Variants in PCDHGA4 observed in about 807,000 individuals in gnomAD.
The protein encoded by PCDHGA4 is protocadherin gamma-A4.
PCDHGA4 carries 38 observed loss-of-function variants against 54.6 expected under a neutral mutation model. The observed-to-expected ratio is 0.70, with a 90% CI of 0.54 to 0.91. The LOEUF is 0.91. PCDHGA4 is among the 40% of genes least tolerant of loss of function. PCDHGA4 has a pLI of 0.00. For missense variants in PCDHGA4, 1,298 were observed against 1,220.9 expected, an observed-to-expected ratio of 1.06 and a Z score of -0.94; for synonymous variants, 511 against 512.9, an observed-to-expected ratio of 1.00 and a Z score of 0.05.
intron 1 of PCDHGA4, chr5:141,478,260 T>C (rs1340624663): frequency 6.2e-7 from 1 of 1,614,182 alleles, no homozygotes; most frequent in East Asian, 2.2e-5. Context: ...GTAATCATAT[T>C]CAAAGTTTAC....
At position 141,477,966 on chromosome 5, in the gene PCDHGA4, G is replaced by T; in HGVS notation, c.2515-16841G>T. 1 of 1,614,118 alleles carries T rather than the reference G, an allele frequency of 6.2e-7. No individual in the cohort carries two copies. The highest frequency in any genetic ancestry group is 8.5e-7 in the Non-Finnish European group (1 of 1,180,036). On this transcript the variant is annotated intron_variant, in intron 1 of 3. Coordinates refer to ENST00000571252, the MANE Select transcript of PCDHGA4 (RefSeq NM_018917.4). This position sits in a 1 kb window ranked among gnomAD's most constrained non-coding sequence, Gnocchi z 4.9. ...AGTCTCTTGGGATCCCCTAACCAGA[G>T]CCTTTTTGCCATAGGGCTGCACACT...
At chr5:141,371,146 T>C (rs751386839) in intron 1 of PCDHGA4, 4 of 1,614,022 alleles carry the variant, frequency 2.5e-6, no homozygotes, top group East Asian at 4.5e-5. Flanking sequence ...AGGGTCAATG[T>C]TGCAGAGAAC....
At chr5:141,488,705 G>C (rs1024064135) in intron 1 of PCDHGA4, among the ~76,000 whole-genome samples, 8 of 152,200 alleles carry the variant, frequency 5.3e-5, no homozygotes, top group Non-Finnish European at 1.2e-4. Context: ...AGATTTTGCT[G>C]GTTCAAGCAA....
chr5:141,505,596 T>G (rs2099846990), intron 3 of PCDHGA4, 115 bp downstream of exon 3: 1 of 1,562,168 alleles, frequency 6.4e-7, no homozygotes, highest in African/African-American at 1.4e-5. Context: ...CTCCAGATCT[T>G]TCGGCAGGTC....
At chr5:141,399,557 TG>T in intron 1 of PCDHGA4, 1 of 1,613,968 alleles carries the variant, frequency 6.2e-7, no homozygotes, top group Non-Finnish European at 8.5e-7. Context: ...GACCTGGACT[TG>T]GGGTTGAACG....
chr5:141,455,905 T>TTATG (rs2098836561), intron 1 of PCDHGA4, among the ~76,000 whole-genome samples: 1 of 148,340 alleles, frequency 6.7e-6, no homozygotes, highest in Admixed American at 6.7e-5. Flanking sequence ...ATTTATTTAT[T>TTATG]TATTTATTTT....
chr5:141,463,135 C>G (rs1352400365), intron 1 of PCDHGA4, among the ~76,000 whole-genome samples: 1 of 152,128 alleles, frequency 6.6e-6, no homozygotes, highest in African/African-American at 2.4e-5. Flanking sequence ...GGCAGTTCTT[C>G]GCCCAGCTGC....
At chr5:141,450,516 C>T (rs150995579) in intron 1 of PCDHGA4, among the ~76,000 whole-genome samples, 2,020 of 152,024 alleles carry the variant, frequency 0.013, 56 homozygotes, top group African/African-American at 0.046. Context: ...GATGGAGTCT[C>T]ATTCTTGTCA....
chr5:141,367,723 G>A (rs1211855605), intron 1 of PCDHGA4: 2 of 152,102 alleles, frequency 1.3e-5, no homozygotes, highest in Non-Finnish European at 2.9e-5. Flanking sequence ...GCTTCGTTCT[G>A]TGATGTAAAG....
At chr5:141,376,387 G>C (rs772638473) in intron 1 of PCDHGA4, 1 of 1,614,218 alleles carries the variant, frequency 6.2e-7, no homozygotes, top group Admixed American at 1.7e-5. Flanking sequence ...AGAGTCATCT[G>C]ATTTTCCCCC....
chr5:141,358,441 C>T (rs1357089273), intron 1 of PCDHGA4, among the ~76,000 whole-genome samples: 5 of 152,054 alleles, frequency 3.3e-5, no homozygotes, highest in African/African-American at 4.8e-5. Context: ...TAACAGGCAA[C>T]GTCAATTTAA....
intron 1 of PCDHGA4, chr5:141,395,463 C>G (rs1164636639): frequency 6.9e-6 from 4 of 582,400 alleles, no homozygotes; most frequent in African/African-American, 5.7e-5. Flanking sequence ...CCATTTTAAG[C>G]CTTCCAGTAT....
chr5:141,360,681 GAAAC>G, intron 1 of PCDHGA4: 1 of 1,613,946 alleles, frequency 6.2e-7, no homozygotes, highest in Non-Finnish European at 8.5e-7. Flanking sequence ...ATCTCGCTGA[GAAAC>G]AGACTCCAGA....
chr5:141,404,952 G>A (rs2094589054), intron 1 of PCDHGA4: 3 of 1,614,030 alleles, frequency 1.9e-6, no homozygotes, highest in African/African-American at 1.3e-5. Flanking sequence ...ATAGCTGACA[G>A]CATCCCAGAC....
chr5:141,374,202 A>G, intron 1 of PCDHGA4: 1 of 1,613,868 alleles, frequency 6.2e-7, no homozygotes, highest in Non-Finnish European at 8.5e-7. Context: ...GAGGAGCTGG[A>G]GAAAGGCTCC....
chr5:141,365,091 A>C (rs1251688071), intron 1 of PCDHGA4: 1 of 1,613,870 alleles, frequency 6.2e-7, no homozygotes, highest in Admixed American at 1.7e-5. Context: ...GTTCCAGAGA[A>C]CATACCTGTG....
intron 1 of PCDHGA4, chr5:141,478,331 G>C: frequency 6.2e-7 from 1 of 1,613,956 alleles, no homozygotes; most frequent in Non-Finnish European, 8.5e-7. Context: ...CCGAACACCA[G>C]GGCCCTCCTT....
At chr5:141,422,786 C>T in intron 1 of PCDHGA4, 1 of 1,614,178 alleles carries the variant, frequency 6.2e-7, no homozygotes, top group Non-Finnish European at 8.5e-7. Context: ...GCCCTACAAT[C>T]CTTCGACTAT....
Position 141,355,759 on chromosome 5 carries a change from G to A in PCDHGA4, c.652G>A (p.Asp218Asn), listed in dbSNP as rs769349934. ...TTCCCTGGACGTGCAAAGTGGGGCCGATGGGATTAAGTACCCAGAGCTGGT... is the reference window on the plus strand; with the variant it reads ...TTCCCTGGACGTGCAAAGTGGGGCCAATGGGATTAAGTACCCAGAGCTGGT... The part of the protein sequence containing the change: ...YFSLDVQSGA[D>N]GIKYPELVLE... The change falls in exon 1 of 4, where the codon GAT becomes AAT. Residue 218 changes from aspartate to asparagine, a missense_variant. By Grantham distance (23) the Asp-to-Asn change is conservative (BLOSUM62 1). Coordinates refer to ENST00000571252, the MANE Select transcript of PCDHGA4 (RefSeq NM_018917.4). 10 of 1,613,774 alleles carry A rather than the reference G, an allele frequency of 6.2e-6. No individual in the cohort carries two copies. Among genetic ancestry groups the A allele is most frequent in the Non-Finnish European group, 1.7e-6 (2 of 1,179,836 alleles).
Sources: gnomAD v4.1 joint callset for allele counts (sites outside exome capture counted in the v4.1 genomes callset) on GRCh38, gnomAD v4.1.1 for gene constraint, Gnocchi (gnomAD v3.1) non-coding constraint, MANE v1.5 for transcripts, NCBI Gene and HGNC (gene_info 2026-07-23, HGNC 2026-07-21) for gene names.